SLC1A7: variants seen among roughly 807,000 people sequenced by gnomAD.
SLC1A7 encodes solute carrier family 1 member 7, also known as excitatory amino acid transporter 5.
In SLC1A7, 40 loss-of-function variants were observed where a neutral mutation model predicts 47.7. The ratio of observed to expected loss-of-function variants is 0.84; its 90% CI spans 0.65 to 1.09. The LOEUF is 1.09. Among genes scored for constraint, SLC1A7 ranks in the 50% least tolerant of loss-of-function variants. The pLI is 0.00. For synonymous variants in SLC1A7, 323 were observed against 325.6 expected, an observed-to-expected ratio of 0.99 and a Z score of 0.09; for missense variants, 746 against 769.5, an observed-to-expected ratio of 0.97 and a Z score of 0.36.
At chr1:53,098,505 A>C (rs934269948) in intron 5 of SLC1A7, among the ~76,000 whole-genome samples, 8 of 140,212 alleles carry the variant, frequency 5.7e-5, no homozygotes, top group African/African-American at 1.6e-4. Flanking sequence ...GTTACACTCA[A>C]ACTGCCTCAG....
At chr1:53,125,772 C>T (rs964308687) in intron 2 of SLC1A7, among the ~76,000 whole-genome samples, 1 of 152,172 alleles carries the variant, frequency 6.6e-6, no homozygotes, top group African/African-American at 2.4e-5. Context: ...GCGGGACCTG[C>T]GTTCCACAGG....
intron 2 of SLC1A7, among the ~76,000 whole-genome samples, chr1:53,133,771 T>C (rs1008475461): frequency 4.6e-5 from 7 of 152,162 alleles, no homozygotes; most frequent in African/African-American, 1.7e-4. Flanking sequence ...TCGTTCATGA[T>C]TGGGCAAGAG....
At chr1:53,104,175 G>A (rs532845812) in intron 4 of SLC1A7, among the ~76,000 whole-genome samples, 1 of 152,162 alleles carries the variant, frequency 6.6e-6, no homozygotes, top group African/African-American at 2.4e-5. Context: ...GCATCGATAA[G>A]GCCAACCACT....
chr1:53,121,068 T>G (rs1644820313), intron 2 of SLC1A7, among the ~76,000 whole-genome samples: 1 of 152,224 alleles, frequency 6.6e-6, no homozygotes, highest in Non-Finnish European at 1.5e-5. Context: ...AAGTACGCAC[T>G]GCATTTCAAT....
chr1:53,139,840 A>G (rs1645038664), intron 1 of SLC1A7, among the ~76,000 whole-genome samples: 1 of 152,006 alleles, frequency 6.6e-6, no homozygotes. Context: ...CTAAAATGTT[A>G]GTGGAATTCT....
intron 3 of SLC1A7, among the ~76,000 whole-genome samples, chr1:53,113,910 C>T (rs556492312): frequency 2.0e-5 from 3 of 152,164 alleles, no homozygotes; most frequent in South Asian, 2.1e-4. Context: ...GCACAGCTAT[C>T]GCCCCCAGGC....
chr1:53,115,017 G>A (rs1466138729), intron 2 of SLC1A7, 44 bp from the exon 3 acceptor site: 6 of 1,504,480 alleles, frequency 4.0e-6, no homozygotes, highest in Non-Finnish European at 5.5e-6. Context: ...GGAGGCCAGG[G>A]CCTGGCTGGC....
Position 53,114,890 on chromosome 1 carries a change from G to T in SLC1A7, c.299C>A (p.Thr100Asn), listed in dbSNP as rs1469824691. 3 of 1,614,224 alleles carry T rather than the reference G, an allele frequency of 1.9e-6. No homozygotes were observed. The South Asian group carries it at 3.3e-5, about 18-fold the overall frequency. Residue 100 changes from threonine to asparagine, a missense_variant, in exon 3 of 11, where the codon ACC becomes AAC. By Grantham distance (65) the Thr-to-Asn change is moderately conservative. Coordinates refer to ENST00000371494, the MANE Select transcript of SLC1A7 (RefSeq NM_006671.6). ...VLTVAYYLWT[T>N]FMAVIVGIFM... Reference sequence around the variant, plus strand: ...GATGCCCACGATGACAGCCATGAAGGTGGTCCACAGGTAGTACGCCACGGT... The same window carrying T: ...GATGCCCACGATGACAGCCATGAAGTTGGTCCACAGGTAGTACGCCACGGT...
At chr1:53,138,308 C>A (rs1645020908) in intron 1 of SLC1A7, among the ~76,000 whole-genome samples, 2 of 152,132 alleles carry the variant, frequency 1.3e-5, no homozygotes, top group South Asian at 4.1e-4. Context: ...CTTTTGTAAA[C>A]AAAATTGACA....
intron 3 of SLC1A7, among the ~76,000 whole-genome samples, chr1:53,106,049 C>T (rs1644636964): frequency 6.6e-6 from 1 of 152,100 alleles, no homozygotes; most frequent in Non-Finnish European, 1.5e-5. Context: ...GTGAACTACT[C>T]AAATCTACCA....
rs749171726 is a variant in SLC1A7, at chr1:53,092,688, G to T, written c.897C>A (p.Thr299=). The change falls in exon 7 of 11, where the codon ACC becomes ACA. Residue 299 remains threonine, a synonymous_variant. Coordinates refer to ENST00000371494, the MANE Select transcript of SLC1A7 (RefSeq NM_006671.6). ...VGKKLGFYSV[T]VVCGLVLHGL... ...CGTGGAGCACCAGCCCGCACACCAC[G>T]GTGACTGAGTAGAAGCCCAGCTTCT... 1 of 1,614,062 alleles carries T rather than the reference G, an allele frequency of 6.2e-7. No homozygotes were observed. Among genetic ancestry groups the T allele is most frequent in the Non-Finnish European group, 8.5e-7 (1 of 1,179,940 alleles).
chr1:53,099,928 T>G (rs1021557854), intron 5 of SLC1A7, among the ~76,000 whole-genome samples: 79 of 147,726 alleles, frequency 5.3e-4, no homozygotes, highest in African/African-American at 1.9e-3. Context: ...AAACCATGCC[T>G]CTGTACATTC....
At chr1:53,093,663 C>T in intron 5 of SLC1A7, 103 bp from the exon 6 acceptor site, 1 of 699,406 alleles carries the variant, frequency 1.4e-6, no homozygotes, top group South Asian at 1.8e-5. Context: ...TGCTCCAGCA[C>T]TCCCCCCACT....
intron 2 of SLC1A7, among the ~76,000 whole-genome samples, chr1:53,120,908 G>C (rs763039824): frequency 6.6e-5 from 10 of 152,252 alleles, no homozygotes; most frequent in Non-Finnish European, 1.5e-4. Flanking sequence ...GCAAGGCGAG[G>C]AAGCTCCCGT....
At chr1:53,130,335 G>T (rs1300347325) in intron 2 of SLC1A7, among the ~76,000 whole-genome samples, 6 of 152,174 alleles carry the variant, frequency 3.9e-5, no homozygotes, top group Admixed American at 6.5e-5. Context: ...GGACTAGTGG[G>T]TGACCAGCCT....
In SLC1A7 at chr1:53,103,443, C is replaced by T; in HGVS notation, c.600G>A (p.Leu200=). ...ENGSHVQNFA[L]DLTPPPEVVY... ...CGACCTCGGGCGGCGGGGTCAGGTC[C>T]AGGGCGAAGTTCTGCACATGGGAGC... The change falls in exon 5 of 11, where the codon CTG becomes CTA. Residue 200 remains leucine, a synonymous_variant. Transcript: ENST00000371494. 7 of 1,612,742 alleles carry T rather than the reference C, an allele frequency of 4.3e-6. No individual in the cohort carries two copies. The highest frequency in any genetic ancestry group is 5.9e-6 in the Non-Finnish European group (7 of 1,179,640).
intron 2 of SLC1A7, chr1:53,115,382 A>T: frequency 4.8e-6 from 1 of 208,744 alleles, no homozygotes; most frequent in Admixed American, 5.3e-5. Context: ...GGCAGGACCA[A>T]GCTTGGTCTA....
intron 8 of SLC1A7, 120 bp from the exon 9 acceptor site, chr1:53,090,054 TGG>T: frequency 4.9e-6 from 5 of 1,018,848 alleles, no homozygotes; most frequent in African/African-American, 1.6e-5. Flanking sequence ...GTGCGGGGGG[TGG>T]GTAGGAATGC....
In SLC1A7 at chr1:53,142,593, C is replaced by CCACACGGG; in HGVS notation, c.-145_-144insCCCGTGTG. 1 of 881,242 alleles carries CCACACGGG rather than the reference C, an allele frequency of 1.1e-6. No homozygotes were observed. The highest frequency in any genetic ancestry group is 1.7e-6 in the Non-Finnish European group (1 of 599,084). The allele number at this position is 881,242 out of a possible 1,614,324, so 54.6% of individuals were successfully genotyped here. A position where few individuals can be genotyped will look rare whatever the true frequency, so the allele number is the denominator to read the frequency against. On this transcript the variant is annotated 5_prime_UTR_variant, in exon 1 of 11. It removes the in-frame stop codon of an upstream open reading frame in the 5' UTR. Transcript: ENST00000371494. ...TAAACACCAGTCGCCAGCCCCACGGCCATGCCCGTGTGGCCGCCTTAGAGG... is the reference window on the plus strand; with the variant it reads ...TAAACACCAGTCGCCAGCCCCACGGCCACACGGGCATGCCCGTGTGGCCGCCTTAGAGG...
Sources: gnomAD v4.1 joint callset for allele counts (sites outside exome capture counted in the v4.1 genomes callset) on GRCh38, gnomAD v4.1.1 for gene constraint, MANE v1.5 for transcripts, NCBI Gene and HGNC (gene_info 2026-07-23, HGNC 2026-07-21) for gene names.